The following ZNF407 variants were observed in gnomAD, a reference collection of about 807,000 sequenced individuals.
The protein encoded by ZNF407 is zinc finger protein 407.
ZNF407 carries 17 observed loss-of-function variants against 131.2 expected under a neutral mutation model. That is an observed-to-expected ratio of 0.13 (90% CI 0.09 to 0.19). The LOEUF is 0.19. ZNF407 is among the 10% of genes least tolerant of loss of function. The pLI is 1.00. For synonymous variants in ZNF407, 1,156 were observed against 1,062.0 expected, an observed-to-expected ratio of 1.09 and a Z score of -1.72; for missense variants, 2,681 against 2,830.6, an observed-to-expected ratio of 0.95 and a Z score of 1.20.
Position 74,643,865 on chromosome 18 carries a change from CT to C in ZNF407, c.4802+2746del, listed in dbSNP as rs1984838789. Among the ~76,000 whole-genome samples the C allele has an allele frequency of 2.0e-5, 3 of 152,034 alleles. No homozygotes were observed. The South Asian group carries it at 6.2e-4, about 32-fold the overall frequency. On this transcript the variant is annotated intron_variant, in intron 3 of 8. Coordinates refer to ENST00000299687, the MANE Select transcript of ZNF407 (RefSeq NM_017757.3). ...AGTTGTATGAACCTAGACTGATTTT[CT>C]TTGAATCTTCAGGATCAGTTTTAAG...
At chr18:74,744,121 G>A (rs1439411236) in intron 3 of ZNF407, among the ~76,000 whole-genome samples, 1 of 152,140 alleles carries the variant, frequency 6.6e-6, no homozygotes, top group East Asian at 1.9e-4. Flanking sequence ...TTTGTGACCT[G>A]CAGGCAATAC....
chr18:75,029,163 G>A (rs1411802329), intron 8 of ZNF407, among the ~76,000 whole-genome samples: 2 of 152,126 alleles, frequency 1.3e-5, no homozygotes, highest in African/African-American at 2.4e-5. Context: ...TGCTTTCCAT[G>A]TTCTGCTTGT....
intron 4 of ZNF407, among the ~76,000 whole-genome samples, chr18:74,859,832 A>G (rs958358156): frequency 7.2e-5 from 11 of 152,154 alleles, no homozygotes; most frequent in Non-Finnish European, 1.6e-4. Flanking sequence ...GCCCCATGGT[A>G]GATGTTTAAA....
At chr18:74,822,448 G>A (rs1970353931) in intron 4 of ZNF407, among the ~76,000 whole-genome samples, 1 of 152,180 alleles carries the variant, frequency 6.6e-6, no homozygotes, top group South Asian at 2.1e-4. Flanking sequence ...TGTATAATGT[G>A]TAAGGAAGGG....
At chr18:74,940,387 C>T (rs192628687) in intron 8 of ZNF407, among the ~76,000 whole-genome samples, 1 of 152,222 alleles carries the variant, frequency 6.6e-6, no homozygotes, top group East Asian at 1.9e-4. Flanking sequence ...TGTCTGGGCA[C>T]TGGGGTGGGG....
At chr18:74,714,434 A>T (rs181572183) in intron 3 of ZNF407, among the ~76,000 whole-genome samples, 163 of 152,388 alleles carry the variant, frequency 1.1e-3, no homozygotes, top group Non-Finnish European at 1.9e-3. Flanking sequence ...AATTTTGCAG[A>T]TCACTGTCAT....
intron 8 of ZNF407, among the ~76,000 whole-genome samples, chr18:74,989,753 G>A (rs1972696217): frequency 6.6e-6 from 1 of 151,392 alleles, no homozygotes; most frequent in Admixed American, 6.6e-5. Context: ...CAAGGCAGGA[G>A]AATCGCTTGA....
At chr18:74,729,017 G>C (rs1968228927) in intron 3 of ZNF407, among the ~76,000 whole-genome samples, 1 of 152,130 alleles carries the variant, frequency 6.6e-6, no homozygotes, top group African/African-American at 2.4e-5. Context: ...GAAGACAGGA[G>C]CATAACCAGT....
chr18:74,808,351 A>G (rs999375839), intron 4 of ZNF407, among the ~76,000 whole-genome samples: 1 of 152,178 alleles, frequency 6.6e-6, no homozygotes, highest in Admixed American at 6.5e-5. Context: ...ATCTTTGCTC[A>G]TAAAGCTCTA....
At chr18:74,914,215 C>T (rs895252727) in intron 7 of ZNF407, among the ~76,000 whole-genome samples, 2 of 152,174 alleles carry the variant, frequency 1.3e-5, no homozygotes, top group Non-Finnish European at 2.9e-5. Context: ...TCGTGAGGAA[C>T]GTCTTTCACC....
At chr18:74,933,671 G>A (rs553436216) in intron 8 of ZNF407, among the ~76,000 whole-genome samples, 1 of 152,270 alleles carries the variant, frequency 6.6e-6, no homozygotes, top group East Asian at 1.9e-4. Flanking sequence ...CTCTTGGTTG[G>A]TGAAGTGCCG....
At chr18:75,042,053 C>A (rs1599308395) in intron 8 of ZNF407, among the ~76,000 whole-genome samples, 1 of 148,832 alleles carries the variant, frequency 6.7e-6, no homozygotes, top group Admixed American at 6.7e-5. Context: ...TTGCTCATTT[C>A]TTTCCTTTTT....
At chr18:74,999,565 C>T (rs969707817) in intron 8 of ZNF407, among the ~76,000 whole-genome samples, 7 of 151,996 alleles carry the variant, frequency 4.6e-5, no homozygotes, top group Admixed American at 3.9e-4. Context: ...ATATTGCTCA[C>T]GAATGTGCCA....
chr18:74,890,291 G>A (rs939991594), intron 7 of ZNF407, among the ~76,000 whole-genome samples: 2 of 151,892 alleles, frequency 1.3e-5, no homozygotes, highest in Admixed American at 6.6e-5. Context: ...AGCCTCTTTC[G>A]TTATCAACAT....
intron 8 of ZNF407, among the ~76,000 whole-genome samples, chr18:74,944,746 G>T (rs1449355243): frequency 6.6e-6 from 1 of 152,206 alleles, no homozygotes; most frequent in Non-Finnish European, 1.5e-5. Context: ...TAAAGAGCTT[G>T]CATCTTTATA....
At chr18:74,751,419 A>G (rs1021383475) in intron 3 of ZNF407, among the ~76,000 whole-genome samples, 7 of 152,194 alleles carry the variant, frequency 4.6e-5, no homozygotes, top group African/African-American at 1.7e-4. Context: ...CATGTGCACA[A>G]TGTGCAGGTT....
chr18:74,821,777 T>C (rs568261248), intron 4 of ZNF407, among the ~76,000 whole-genome samples: 58 of 152,082 alleles, frequency 3.8e-4, no homozygotes, highest in Non-Finnish European at 7.6e-4. Flanking sequence ...ATCCTTTGGG[T>C]ATATACCCAG....
chr18:74,794,223 C>T (rs981560254), intron 4 of ZNF407, among the ~76,000 whole-genome samples: 2 of 152,108 alleles, frequency 1.3e-5, no homozygotes, highest in African/African-American at 4.8e-5. Context: ...AGCGTCTTCA[C>T]GTGTGTATTT....
intron 4 of ZNF407, among the ~76,000 whole-genome samples, chr18:74,784,424 T>A (rs921121253): frequency 7.9e-5 from 12 of 152,338 alleles, no homozygotes; most frequent in Non-Finnish European, 1.3e-4. Context: ...CATATACTTG[T>A]ACTATAATGT....
Sources: allele counts gnomAD v4.1 joint callset (sites outside exome capture counted in the v4.1 genomes callset), GRCh38; gene constraint gnomAD v4.1.1; transcripts MANE v1.5; gene names NCBI Gene and HGNC (gene_info 2026-07-23, HGNC 2026-07-21).